AMBRA1: variants seen among roughly 807,000 people sequenced by gnomAD.
The protein encoded by AMBRA1 is activating molecule in BECN1-regulated autophagy protein 1.
A neutral mutation model predicts 125.4 loss-of-function variants in AMBRA1; 47 were observed. The observed-to-expected ratio is 0.37, with a 90% CI of 0.30 to 0.48. AMBRA1 has a LOEUF of 0.48. AMBRA1 is among the 20% of genes least tolerant of loss of function. AMBRA1 has a pLI of 0.99. For missense variants in AMBRA1, 1,331 were observed against 1,693.4 expected (o/e 0.79, Z 3.76); for synonymous variants, 626 against 655.5 (o/e 0.95, Z 0.69).
chr11:46,571,219 T>A (rs905342944), intron 1 of AMBRA1, among the ~76,000 whole-genome samples: 4 of 152,172 alleles, frequency 2.6e-5, no homozygotes, highest in Non-Finnish European at 4.4e-5. Context: ...TCAGTAAGTA[T>A]GACAGAAGTT....
rs745907567 is a variant in AMBRA1, at chr11:46,542,159, C to T, written c.1858G>A (p.Glu620Lys). Reference sequence around the variant, plus strand: ...CTGGGCGTTTGGCCCTCAGTCCGCTCGAGAGGTGGCAACTGGCTGCCACTT... The same window carrying T: ...CTGGGCGTTTGGCCCTCAGTCCGCTTGAGAGGTGGCAACTGGCTGCCACTT... ...PSSGSQLPPL[E>K]RTEGQTPSSS... Residue 620 changes from glutamate to lysine, a missense_variant, in exon 7 of 18, where the codon GAG becomes AAG. Glu to Lys is a moderately conservative substitution (Grantham distance 56, BLOSUM62 1). Transcript: ENST00000683756. The surrounding 1 kb of genome is among the most constrained non-coding windows in gnomAD (Gnocchi z 5.9). 5.6e-6 allele frequency: 9 copies of T among 1,613,484 alleles called. No homozygotes were observed. Among genetic ancestry groups the T allele is most frequent in the Middle Eastern group, 1.6e-4 (1 of 6,084 alleles).
intron 8 of AMBRA1, among the ~76,000 whole-genome samples, chr11:46,509,566 TTAAA>T (rs1285446122): frequency 1.1e-4 from 16 of 152,036 alleles, no homozygotes; most frequent in South Asian, 2.1e-4. Context: ...CAGCAACAAA[TTAAA>T]TAAATTATTA....
chr11:46,460,395 C>A (rs1590864454), intron 11 of AMBRA1, among the ~76,000 whole-genome samples: 1 of 151,412 alleles, frequency 6.6e-6, no homozygotes, highest in Admixed American at 6.6e-5. Context: ...AATCTTGGCT[C>A]ACTGCAAGCT....
chr11:46,447,259 G>A (rs921396805), intron 11 of AMBRA1, among the ~76,000 whole-genome samples: 3 of 150,818 alleles, frequency 2.0e-5, no homozygotes, highest in African/African-American at 7.3e-5. Flanking sequence ...AAAAGGCCAC[G>A]CGCAGTAGCT....
intron 11 of AMBRA1, among the ~76,000 whole-genome samples, chr11:46,457,693 G>A (rs560309706): frequency 3.3e-5 from 5 of 152,266 alleles, no homozygotes; most frequent in African/African-American, 9.6e-5. Context: ...CTGAGGTCAG[G>A]AGTTCAAGAC....
rs1325094111 is a variant in AMBRA1, at chr11:46,547,910, A to G, written c.136-35T>C. 3.8e-6 allele frequency: 6 copies of G among 1,572,676 alleles called. No individual in the cohort carries two copies. The African/African-American group carries it at 5.5e-5, about 14-fold the overall frequency. On this transcript the variant is annotated intron_variant, in intron 2 of 17. Transcript: ENST00000683756. ...AAAAAAAAAAAAAAAGTTAAAATAC[A>G]TGATTTGTAGACCATGGTTCACCGT... is the stretch of plus-strand genomic sequence containing the variant.
chr11:46,466,313 C>G (rs1949320704), intron 11 of AMBRA1, among the ~76,000 whole-genome samples: 1 of 151,414 alleles, frequency 6.6e-6, no homozygotes, highest in Non-Finnish European at 1.5e-5. Flanking sequence ...TGCCACTGCA[C>G]TCTAGCCTGG....
intron 1 of AMBRA1, among the ~76,000 whole-genome samples, chr11:46,552,491 C>A (rs1452419021): frequency 6.7e-6 from 1 of 149,224 alleles, no homozygotes; most frequent in East Asian, 2.0e-4. Flanking sequence ...TCGAGACCAT[C>A]CTGGCCAACA....
chr11:46,499,568 A>G (rs1391315540), intron 9 of AMBRA1, among the ~76,000 whole-genome samples: 1 of 152,210 alleles, frequency 6.6e-6, no homozygotes, highest in Non-Finnish European at 1.5e-5. Flanking sequence ...GACAGGTACC[A>G]TATAGCCTAT....
chr11:46,413,165 C>T (rs945253830), intron 15 of AMBRA1, among the ~76,000 whole-genome samples: 2 of 152,182 alleles, frequency 1.3e-5, no homozygotes, highest in Admixed American at 6.5e-5. Context: ...AAGGTCCCCT[C>T]GAATGCTTTC....
chr11:46,568,424 C>T (rs2043619236), intron 1 of AMBRA1, among the ~76,000 whole-genome samples: 1 of 151,910 alleles, frequency 6.6e-6, no homozygotes, highest in Admixed American at 6.6e-5. Context: ...TGCCATTGCA[C>T]TCCAGCTTGG....
In AMBRA1 at chr11:46,418,448, C is replaced by T. The variant is rs1447840732; in HGVS notation, c.2977-396G>A. On this transcript the variant is annotated intron_variant, in intron 14 of 17. Transcript: ENST00000683756. ...TAAGTTCTAGGGTACATGTGCACAA[C>T]GTGCAGGTTTGTTACATATGTATAC... 2.0e-5 allele frequency among the ~76,000 whole-genome samples: 3 copies of T among 149,648 alleles called. No individual in the cohort carries two copies. The East Asian group carries it at 5.8e-4, about 29-fold the overall frequency.
chr11:46,422,932 T>G (rs1946919720), intron 14 of AMBRA1, among the ~76,000 whole-genome samples: 1 of 152,018 alleles, frequency 6.6e-6, no homozygotes, highest in Non-Finnish European at 1.5e-5. Context: ...AGAAGAGCTG[T>G]GGAAAAAGGT....
At chr11:46,401,850 C>G (rs896080190) in intron 17 of AMBRA1, among the ~76,000 whole-genome samples, 4 of 152,178 alleles carry the variant, frequency 2.6e-5, no homozygotes, top group African/African-American at 4.8e-5. Flanking sequence ...AAGTCTGCAC[C>G]CTGTTCAAAA....
At chr11:46,588,814 CT>C in intron 1 of AMBRA1, among the ~76,000 whole-genome samples, 2 of 150,686 alleles carry the variant, frequency 1.3e-5, no homozygotes, top group Non-Finnish European at 3.0e-5. Context: ...GGATGTTTTA[CT>C]TTTCCATTCT....
chr11:46,491,710 G>A (rs1950470619), intron 11 of AMBRA1, among the ~76,000 whole-genome samples: 1 of 152,102 alleles, frequency 6.6e-6, no homozygotes, highest in African/African-American at 2.4e-5. Context: ...TTCTCCTAAT[G>A]GCATTCTGCA....
At chr11:46,479,360 G>A (rs1949963825) in intron 11 of AMBRA1, among the ~76,000 whole-genome samples, 1 of 152,072 alleles carries the variant, frequency 6.6e-6, no homozygotes, top group Non-Finnish European at 1.5e-5. Context: ...CCTGGTTTGG[G>A]GCTTACCCAA....
At chr11:46,463,396 C>T (rs565353545) in intron 11 of AMBRA1, among the ~76,000 whole-genome samples, 2 of 152,256 alleles carry the variant, frequency 1.3e-5, no homozygotes, top group Admixed American at 6.5e-5. Flanking sequence ...TATATAGATG[C>T]TCTGCTGTAG....
At chr11:46,478,025 GA>G (rs879284672) in intron 11 of AMBRA1, among the ~76,000 whole-genome samples, 38 of 143,312 alleles carry the variant, frequency 2.7e-4, no homozygotes, top group Admixed American at 4.9e-4. Flanking sequence ...ACTGGTGAAT[GA>G]AAAAAAAAAA....
Sources: gnomAD v4.1 joint callset for allele counts (sites outside exome capture counted in the v4.1 genomes callset) on GRCh38, gnomAD v4.1.1 for gene constraint, Gnocchi (gnomAD v3.1) non-coding constraint, MANE v1.5 for transcripts, NCBI Gene and HGNC (gene_info 2026-07-23, HGNC 2026-07-21) for gene names.